Variants in PTPRT observed in about 807,000 individuals in gnomAD.
PTPRT encodes protein tyrosine phosphatase receptor type T, also known as receptor-type tyrosine-protein phosphatase T.
In PTPRT, 56 loss-of-function variants were observed where a neutral mutation model predicts 176.8. The ratio of observed to expected loss-of-function variants is 0.32; its 90% CI spans 0.26 to 0.40. The LOEUF (loss-of-function observed/expected upper bound fraction) is 0.40. Among genes scored for constraint, PTPRT ranks in the 10% least tolerant of loss-of-function variants. The pLI is 1.00. For synonymous variants in PTPRT, 783 were observed against 739.0 expected, an observed-to-expected ratio of 1.06 and a Z score of -0.96; for missense variants, 1,540 against 1,908.2, an observed-to-expected ratio of 0.81 and a Z score of 3.60.
chr20:42,916,884 G>A (rs1255381622), intron 1 of PTPRT, among the ~76,000 whole-genome samples: 1 of 152,050 alleles, frequency 6.6e-6, no homozygotes, highest in Non-Finnish European at 1.5e-5. Context: ...TGAGTAGGTT[G>A]CAAAAATTTT....
intron 1 of PTPRT, among the ~76,000 whole-genome samples, chr20:43,083,174 A>G (rs2146290680): frequency 6.6e-6 from 1 of 150,854 alleles, no homozygotes; most frequent in Middle Eastern, 3.4e-3. Context: ...CTGGTGTTTC[A>G]GTAACAAATT....
At chr20:42,676,513 G>C (rs1018330121) in intron 7 of PTPRT, among the ~76,000 whole-genome samples, 20 of 150,380 alleles carry the variant, frequency 1.3e-4, no homozygotes, top group African/African-American at 4.9e-4. Context: ...GCCTCCACTA[G>C]AACATCCCCA....
chr20:42,205,029 G>A (rs1269271723), intron 15 of PTPRT, among the ~76,000 whole-genome samples: 1 of 132,262 alleles, frequency 7.6e-6, no homozygotes, highest in Non-Finnish European at 1.6e-5. Flanking sequence ...CAACGTGCAG[G>A]TTTGTTACAT....
intron 1 of PTPRT, among the ~76,000 whole-genome samples, chr20:43,143,614 G>C (rs1206897435): frequency 6.6e-6 from 1 of 152,194 alleles, no homozygotes; most frequent in African/African-American, 2.4e-5. Context: ...GGGAAGAAAA[G>C]AGAAAGAGCT....
intron 7 of PTPRT, among the ~76,000 whole-genome samples, chr20:42,492,355 C>T (rs1343548308): frequency 6.6e-6 from 1 of 152,200 alleles, no homozygotes; most frequent in East Asian, 1.9e-4. Flanking sequence ...TAATCTGGTG[C>T]TATCACTACT....
intron 1 of PTPRT, among the ~76,000 whole-genome samples, chr20:42,975,449 C>A (rs1982892796): frequency 6.6e-6 from 1 of 152,074 alleles, no homozygotes; most frequent in East Asian, 1.9e-4. Flanking sequence ...AATCCATTTT[C>A]CTATATTTTC....
At chr20:42,669,612 C>T (rs1018676971) in intron 7 of PTPRT, among the ~76,000 whole-genome samples, 7 of 152,148 alleles carry the variant, frequency 4.6e-5, no homozygotes, top group African/African-American at 1.7e-4. Flanking sequence ...GATGGTGCCG[C>T]CAAGGCATAG....
chr20:42,286,002 A>T (rs1405168360), intron 12 of PTPRT, among the ~76,000 whole-genome samples: 2 of 152,008 alleles, frequency 1.3e-5, no homozygotes, highest in African/African-American at 4.8e-5. Flanking sequence ...ACCAAAAGTA[A>T]TAAAATACCT....
In PTPRT at chr20:42,788,717, G is replaced by C. The variant is rs141177480; in HGVS notation, c.486+2478C>G. ...CAACACAGACCAAGGCATTACAAGA[G>C]ATAGCTGCGGGATTCTCCAGCAATG... On this transcript the variant is annotated intron_variant, in intron 3 of 30. Transcript: ENST00000373187. Among the ~76,000 whole-genome samples, 144 of 152,294 alleles carry C rather than the reference G, an allele frequency of 9.5e-4. 1 individual carries two copies. Among genetic ancestry groups the C allele is most frequent in the African/African-American group, 3.2e-3 (135 of 41,560 alleles).
At chr20:42,833,403 A>G (rs1600807870) in intron 2 of PTPRT, among the ~76,000 whole-genome samples, 1 of 150,008 alleles carries the variant, frequency 6.7e-6, no homozygotes, top group East Asian at 2.0e-4. Context: ...GAGACCCCCC[A>G]TCTCTGAAAA....
At chr20:42,899,285 C>A (rs542103641) in intron 1 of PTPRT, among the ~76,000 whole-genome samples, 2 of 152,204 alleles carry the variant, frequency 1.3e-5, no homozygotes, top group Admixed American at 6.5e-5. Context: ...TCAGATCAGT[C>A]GGGAAAAGGT....
intron 7 of PTPRT, among the ~76,000 whole-genome samples, chr20:42,629,628 G>C (rs1407493797): frequency 6.6e-6 from 1 of 152,172 alleles, no homozygotes; most frequent in African/African-American, 2.4e-5. Flanking sequence ...TTCTGGGGGA[G>C]AGGGTTGTCC....
intron 18 of PTPRT, among the ~76,000 whole-genome samples, chr20:42,140,170 A>G (rs1988555649): frequency 6.6e-6 from 1 of 152,248 alleles, no homozygotes; most frequent in Non-Finnish European, 1.5e-5. Context: ...AGTTAAAACA[A>G]AACAAAACAA....
chr20:42,714,407 C>A (rs552776857), intron 6 of PTPRT, among the ~76,000 whole-genome samples: 12 of 152,270 alleles, frequency 7.9e-5, no homozygotes, highest in African/African-American at 2.9e-4. Flanking sequence ...TGTACAAATT[C>A]TGTGACAGGT....
rs190749810 is a variant in PTPRT at position 42,428,753 on chromosome 20, T to G, written c.1560+19467A>C. Among the ~76,000 whole-genome samples, 71 of 152,032 alleles carry G rather than the reference T, an allele frequency of 4.7e-4. No individual in the cohort carries two copies. The East Asian group carries it at 9.0e-3, about 19-fold the overall frequency. On this transcript the variant is annotated intron_variant, in intron 9 of 30. Transcript: ENST00000373187. ...ATGAAACTCAACTCATCCCATTTGT[T>G]TTTTCCCACTCATTTCCCTACACAA...
chr20:42,904,642 C>A (rs2079450117), intron 1 of PTPRT, among the ~76,000 whole-genome samples: 1 of 152,128 alleles, frequency 6.6e-6, no homozygotes, highest in Non-Finnish European at 1.5e-5. Context: ...ACCCCATGGA[C>A]CTAGGTGAGG....
chr20:42,257,872 C>T (rs1038841307), intron 13 of PTPRT, among the ~76,000 whole-genome samples: 6 of 151,788 alleles, frequency 4.0e-5, no homozygotes, highest in Non-Finnish European at 1.5e-5. Flanking sequence ...ACTAATACAC[C>T]TATGAAGCAG....
chr20:42,602,084 C>T (rs1386273708), intron 7 of PTPRT, among the ~76,000 whole-genome samples: 1 of 152,212 alleles, frequency 6.6e-6, no homozygotes, highest in African/African-American at 2.4e-5. Context: ...AATGTCTTTG[C>T]CATCCCAATG....
intron 9 of PTPRT, among the ~76,000 whole-genome samples, chr20:42,407,249 G>A (rs908163278): frequency 3.3e-5 from 5 of 152,140 alleles, no homozygotes; most frequent in South Asian, 2.1e-4. Flanking sequence ...GAGGGGCCAC[G>A]GGGGAAGAGT....
Sources: allele counts gnomAD v4.1 joint callset (sites outside exome capture counted in the v4.1 genomes callset), GRCh38; gene constraint gnomAD v4.1.1; transcripts MANE v1.5; gene names NCBI Gene and HGNC (gene_info 2026-07-23, HGNC 2026-07-21).